The following DCK variants were observed in gnomAD, a reference collection of about 807,000 sequenced individuals.
DCK encodes the protein deoxyadenosine kinase.
In DCK, 23 loss-of-function variants were observed where a neutral mutation model predicts 38.3. The observed-to-expected ratio is 0.60, with a 90% CI of 0.43 to 0.85. DCK has a LOEUF of 0.85. Among genes scored for constraint, DCK ranks in the 40% least tolerant of loss-of-function variants. The pLI, the probability that DCK is intolerant of heterozygous loss-of-function variation, is 0.00. For synonymous variants in DCK, 108 were observed against 100.6 expected (o/e 1.07, Z -0.44); for missense variants, 259 against 304.4 (o/e 0.85, Z 1.11).
Position 71,029,432 on chromosome 4 carries a change from A to G in DCK, c.*54A>G. 1 of 1,355,880 alleles carries G rather than the reference A, an allele frequency of 7.4e-7. No individual in the cohort carries two copies. The highest frequency in any genetic ancestry group is 1.1e-6 in the Non-Finnish European group (1 of 948,888). The allele number at this position is 1,355,880 out of a possible 1,614,324, so 84.0% of individuals were successfully genotyped here. On this transcript the variant is annotated 3_prime_UTR_variant, in exon 7 of 7. Transcript: ENST00000286648. The stretch of plus-strand genomic sequence containing the variant: ...GGTTCCAGATACTTCAGCTTTGTGT[A>G]TCTTCGTAACTTCATATTAATATAA...
At chr4:71,004,398 C>T (rs899951737) in intron 2 of DCK, among the ~76,000 whole-genome samples, 1 of 152,212 alleles carries the variant, frequency 6.6e-6, no homozygotes, top group African/African-American at 2.4e-5. Flanking sequence ...TCTGCCGACC[C>T]CTGCTGGGAG....
intron 4 of DCK, 79 bp from the exon 5 acceptor site, chr4:71,025,737 G>T (rs1740532081): frequency 1.4e-6 from 2 of 1,476,170 alleles, no homozygotes; most frequent in South Asian, 1.6e-5. Context: ...GAGAGACACA[G>T]AAAAGAAAAT....
At chr4:70,996,496 A>G (rs953022412) in intron 1 of DCK, among the ~76,000 whole-genome samples, 1 of 152,200 alleles carries the variant, frequency 6.6e-6, no homozygotes, top group African/African-American at 2.4e-5. Context: ...TATGACAACA[A>G]TTGGTGTTTA....
chr4:71,001,955 C>T (rs28867977), intron 2 of DCK, among the ~76,000 whole-genome samples: 27 of 151,876 alleles, frequency 1.8e-4, no homozygotes, highest in Non-Finnish European at 3.8e-4. Context: ...AAGAGTTTTT[C>T]GTGTCTCTAT....
intron 2 of DCK, among the ~76,000 whole-genome samples, chr4:71,008,515 T>C (rs756429177): frequency 9.8e-5 from 15 of 152,320 alleles, no homozygotes; most frequent in Admixed American, 3.3e-4. Context: ...AAGTACCTAC[T>C]CAAGTTTGCT....
chr4:71,020,764 ATTCT>A (rs956214700), intron 2 of DCK, among the ~76,000 whole-genome samples: 1 of 152,102 alleles, frequency 6.6e-6, no homozygotes, highest in African/African-American at 2.4e-5. Context: ...TGTTCAAATT[ATTCT>A]TTCTTTGACC....
chr4:70,995,856 A>G lies in DCK; in HGVS notation c.91+1930A>G, dbSNP rs767568699. 3.9e-5 allele frequency among the ~76,000 whole-genome samples: 6 copies of G among 152,198 alleles called. No homozygotes were observed. In the South Asian group the frequency reaches 6.2e-4, roughly 16 times the overall value. ...CTTCACTGATTTTGCCTTTACCTAC[A>G]CTGAAAGTAGTTGTGAACTGATAGC... is the stretch of plus-strand genomic sequence containing the variant. On this transcript the variant is annotated intron_variant, in intron 1 of 6. Coordinates refer to ENST00000286648, the MANE Select transcript of DCK (RefSeq NM_000788.3).
intron 2 of DCK, among the ~76,000 whole-genome samples, chr4:71,000,308 G>A (rs1739772141): frequency 1.3e-5 from 2 of 152,088 alleles, no homozygotes; most frequent in Admixed American, 6.5e-5. Flanking sequence ...TTTTTGTCAG[G>A]TTTGTCAAAG....
At chr4:71,024,258 G>A (rs1472928639) in intron 4 of DCK, among the ~76,000 whole-genome samples, 1 of 152,086 alleles carries the variant, frequency 6.6e-6, no homozygotes, top group Non-Finnish European at 1.5e-5. Flanking sequence ...AAAAGACTTA[G>A]AGGACCCTTG....
intron 2 of DCK, among the ~76,000 whole-genome samples, chr4:71,011,597 A>G (rs1025151850): frequency 6.6e-6 from 1 of 152,192 alleles, no homozygotes. Flanking sequence ...GGATCAAGCA[A>G]TCCGCCTGCC....
chr4:71,026,102 A>T (rs1740541808), intron 5 of DCK, among the ~76,000 whole-genome samples, 171 bp downstream of exon 5: 1 of 152,064 alleles, frequency 6.6e-6, no homozygotes. Flanking sequence ...TTGCAATGAG[A>T]TCCTATTTAC....
At chr4:71,025,182 G>C (rs1740517006) in intron 4 of DCK, among the ~76,000 whole-genome samples, 1 of 152,044 alleles carries the variant, frequency 6.6e-6, no homozygotes, top group Non-Finnish European at 1.5e-5. Context: ...CCGTTATCTA[G>C]AGCTGCACTG....
At chr4:71,023,913 T>G (rs141119958) in intron 4 of DCK, among the ~76,000 whole-genome samples, 2 of 152,328 alleles carry the variant, frequency 1.3e-5, no homozygotes, top group East Asian at 3.9e-4. Flanking sequence ...AGTTGCTGTT[T>G]TAGGCTCTTT....
chr4:71,028,079 A>C (rs1740583821), intron 6 of DCK, among the ~76,000 whole-genome samples: 1 of 152,092 alleles, frequency 6.6e-6, no homozygotes, highest in South Asian at 2.1e-4. Context: ...AGGTTCATTG[A>C]CTCCTTACAT....
At chr4:71,006,318 A>C in intron 2 of DCK, 1 of 959,940 alleles carries the variant, frequency 1.0e-6, no homozygotes. Flanking sequence ...ATGAGGAAGA[A>C]AGAGAATGAC....
At position 70,993,896 on chromosome 4, in the gene DCK, A is replaced by G. The variant is rs142214180; in HGVS notation, c.61A>G (p.Ile21Val). 20 of 1,613,888 alleles carry G rather than the reference A, an allele frequency of 1.2e-5. No individual in the cohort carries two copies. Among genetic ancestry groups the G allele is most frequent in the Non-Finnish European group, 1.6e-5 (19 of 1,179,888 alleles). The stretch of plus-strand genomic sequence containing the variant: ...CTCAGCCAGCTCTGAGGGGACCCGC[A>G]TCAAGAAAATCTCCATCGAAGGGAA... ...SFSASSEGTRIKKISIEGNIA... is the reference protein window; with the variant it reads ...SFSASSEGTRVKKISIEGNIA... Residue 21 changes from isoleucine (I) to valine (V), a missense_variant, in exon 1 of 7, where the codon ATC (isoleucine) becomes GTC (valine). Physicochemically the swap from Ile to Val is conservative, Grantham distance 29 (BLOSUM62 3). This residue lies in a region of DCK where 159 missense variants were observed against 159.0 expected (regional missense o/e 1.00). Coordinates refer to ENST00000286648, the MANE Select transcript of DCK (RefSeq NM_000788.3).
At position 71,029,560 on chromosome 4, in the gene DCK, G is replaced by GTT. The variant is rs113203300; in HGVS notation, c.*191_*192dup. On this transcript the variant is annotated 3_prime_UTR_variant, in exon 7 of 7. Coordinates refer to ENST00000286648, the MANE Select transcript of DCK (RefSeq NM_000788.3). Reference sequence around the variant, plus strand: ...CTTTTTGACCAGTTTCTTTTCTTTTGTTTTTTTTTTAAAAAAGACATTTAA... The same window carrying GTT: ...CTTTTTGACCAGTTTCTTTTCTTTTGTTTTTTTTTTTTAAAAAAGACATTTAA... The GTT allele has an allele frequency of 7.8e-5, 35 of 449,610 alleles. No homozygotes were observed. Among genetic ancestry groups the GTT allele is most frequent in the Middle Eastern group, 6.1e-4 (1 of 1,630 alleles). 27.9% of individuals were successfully genotyped at this position (449,610 alleles called of 1,614,324 possible).
chr4:71,015,087 G>C (rs979049348), intron 2 of DCK, among the ~76,000 whole-genome samples: 1 of 152,110 alleles, frequency 6.6e-6, no homozygotes, highest in Non-Finnish European at 1.5e-5. Flanking sequence ...GACAAAGGGA[G>C]TATCACCACT....
intron 2 of DCK, 34 bp from the exon 3 acceptor site, chr4:71,022,333 T>C (rs1217038100): frequency 3.1e-6 from 4 of 1,300,548 alleles, no homozygotes; most frequent in Non-Finnish European, 4.2e-6. Flanking sequence ...ACCATTAATT[T>C]TGCTTTTTAT....
Sources: gnomAD v4.1 joint callset for allele counts (sites outside exome capture counted in the v4.1 genomes callset) on GRCh38, gnomAD v4.1.1 for gene constraint, gnomAD v4.1.1 regional missense constraint, MANE v1.5 for transcripts, NCBI Gene and HGNC (gene_info 2026-07-23, HGNC 2026-07-21) for gene names.